Variants in LOC400499 observed in about 807,000 individuals in gnomAD.
the LOC400499 span, among the ~76,000 whole-genome samples, chr16:11,391,045 T>C: frequency 6.6e-6 from 1 of 152,226 alleles, no homozygotes; most frequent in East Asian, 1.9e-4. Context: ...CAGCTGTGAA[T>C]AGCGCTGGGC....
chr16:11,411,299 G>C, the LOC400499 span: 2 of 399,384 alleles, frequency 5.0e-6, no homozygotes, highest in African/African-American at 4.1e-5. Context: ...AAGGGGAGGC[G>C]ATGCCGGCCT....
At chr16:11,515,497 ACG>A in the LOC400499 span, among the ~76,000 whole-genome samples, 2 of 151,700 alleles carry the variant, frequency 1.3e-5, no homozygotes, top group African/African-American at 4.9e-5. Flanking sequence ...ATACATACAT[ACG>A]TACGTACATA....
the LOC400499 span, chr16:11,385,033 C>T: frequency 1.5e-5 from 19 of 1,232,066 alleles, no homozygotes; most frequent in Non-Finnish European, 1.7e-5. Context: ...GACAACTGTC[C>T]CCCGGCAGGG....
chr16:11,400,900 C>T, the LOC400499 span, among the ~76,000 whole-genome samples: 1 of 152,140 alleles, frequency 6.6e-6, no homozygotes, highest in African/African-American at 2.4e-5. Context: ...GGCGATAGGA[C>T]ACACCCGAGG....
chr16:11,501,392 C>G, the LOC400499 span, among the ~76,000 whole-genome samples: 2,706 of 152,274 alleles, frequency 0.018, 32 homozygotes, highest in Middle Eastern at 0.041. Context: ...GGGTCTCACT[C>G]TGTCACCCAG....
the LOC400499 span, chr16:11,469,593 G>A: frequency 7.5e-6 from 3 of 398,912 alleles, no homozygotes; most frequent in Admixed American, 4.4e-5. Context: ...CCACCCCGAC[G>A]TCCCTCAGCA....
the LOC400499 span, chr16:11,392,009 C>A: frequency 2.4e-6 from 1 of 411,058 alleles, no homozygotes; most frequent in Non-Finnish European, 4.2e-6. Flanking sequence ...GTGATACCCA[C>A]CAATTGCTGG....
the LOC400499 span, among the ~76,000 whole-genome samples, chr16:11,505,147 T>TA: frequency 4.9e-3 from 666 of 135,652 alleles, 4 homozygotes; most frequent in African/African-American, 0.01. Flanking sequence ...TGCAATGGCT[T>TA]AAAAAAAAAA....
the LOC400499 span, chr16:11,372,792 C>A: frequency 1.1e-6 from 1 of 887,360 alleles, no homozygotes; most frequent in Non-Finnish European, 1.4e-6. Context: ...AGGAGAGGGG[C>A]CCCTGCTGTT....
At chr16:11,471,197 C>A in the LOC400499 span, 1 of 152,494 alleles carries the variant, frequency 6.6e-6, no homozygotes, top group African/African-American at 2.4e-5. Context: ...GGGGATCAGA[C>A]AGGAGGCCAC....
chr16:11,372,735 C>G, the LOC400499 span: 1 of 984,148 alleles, frequency 1.0e-6, no homozygotes, highest in Non-Finnish European at 1.2e-6. Flanking sequence ...GACAAAATCT[C>G]AAACTGTAAA....
chr16:11,411,855 C>CT, the LOC400499 span, among the ~76,000 whole-genome samples: 105 of 144,304 alleles, frequency 7.3e-4, no homozygotes, highest in African/African-American at 2.4e-3. Flanking sequence ...TTCTCTTTTT[C>CT]TTTTTTTTTT....
the LOC400499 span, among the ~76,000 whole-genome samples, chr16:11,416,463 G>C: frequency 6.6e-6 from 1 of 152,118 alleles, no homozygotes; most frequent in East Asian, 1.9e-4. Context: ...TGCAGAATGG[G>C]AATGGCATTC....
chr16:11,455,832 C>A, the LOC400499 span, among the ~76,000 whole-genome samples: 2 of 150,336 alleles, frequency 1.3e-5, no homozygotes, highest in Non-Finnish European at 3.0e-5. Context: ...CTTTTATAAA[C>A]TTTAATCTTT....
At chr16:11,411,079 T>TG in the LOC400499 span, among the ~76,000 whole-genome samples, 29 of 151,616 alleles carry the variant, frequency 1.9e-4, no homozygotes, top group African/African-American at 6.8e-4. Flanking sequence ...CTGGGTATGT[T>TG]TGGGAAAGCT....
the LOC400499 span, among the ~76,000 whole-genome samples, chr16:11,380,285 T>C: frequency 6.6e-6 from 1 of 152,202 alleles, no homozygotes; most frequent in East Asian, 1.9e-4. Flanking sequence ...TAGCATTTCT[T>C]GCATAATGAA....
the LOC400499 span, chr16:11,412,924 T>C: frequency 2.5e-6 from 1 of 399,156 alleles, no homozygotes; most frequent in Non-Finnish European, 4.4e-6. Context: ...AGCTCATCTC[T>C]TCTGCCTCCC....
At chr16:11,408,486 G>A in the LOC400499 span, among the ~76,000 whole-genome samples, 24 of 146,096 alleles carry the variant, frequency 1.6e-4, no homozygotes, top group Non-Finnish European at 3.1e-4. Flanking sequence ...CAGAGACAGG[G>A]TCTGTCTGCT....
chr16:11,397,508 C>T, the LOC400499 span, among the ~76,000 whole-genome samples: 4 of 152,058 alleles, frequency 2.6e-5, no homozygotes, highest in South Asian at 4.1e-4. Context: ...CTCCTGACCT[C>T]GTGATCTGCC....
Sources: allele counts gnomAD v4.1 joint callset (sites outside exome capture counted in the v4.1 genomes callset), GRCh38; gene constraint gnomAD v4.1.1; transcripts MANE v1.5.